Variants in PXDNL observed in about 807,000 individuals in gnomAD.
The protein encoded by PXDNL is peroxidasin like, also known as probable oxidoreductase PXDNL.
Under a neutral mutation model 150.8 loss-of-function variants are expected in PXDNL, and 145 were observed. The observed-to-expected ratio is 0.96, with a 90% confidence interval of 0.84 to 1.10. PXDNL has a LOEUF of 1.10. PXDNL is among the 50% of genes least tolerant of loss of function. The pLI is 0.00. For synonymous variants in PXDNL, 757 were observed against 725.7 expected, an observed-to-expected ratio of 1.04 and a Z score of -0.69; for missense variants, 2,087 against 1,873.9, an observed-to-expected ratio of 1.11 and a Z score of -2.10.
intron 1 of PXDNL, among the ~76,000 whole-genome samples, chr8:51,725,345 C>T (rs1816802191): frequency 6.6e-6 from 1 of 152,138 alleles, no homozygotes; most frequent in Non-Finnish European, 1.5e-5. Flanking sequence ...GAAATAAGAG[C>T]ATTAGAAATA....
At chr8:51,504,622 T>C (rs922398639) in intron 4 of PXDNL, among the ~76,000 whole-genome samples, 2 of 152,248 alleles carry the variant, frequency 1.3e-5, no homozygotes, top group African/African-American at 4.8e-5. Flanking sequence ...TGAGTGATTA[T>C]GTAATCCATG....
chr8:51,680,254 C>T (rs1358214814), intron 1 of PXDNL, among the ~76,000 whole-genome samples: 1 of 152,132 alleles, frequency 6.6e-6, no homozygotes, highest in African/African-American at 2.4e-5. Context: ...ATGTGGGGTG[C>T]ATGTGGCTTG....
At chr8:51,616,634 G>A (rs768103399) in intron 2 of PXDNL, among the ~76,000 whole-genome samples, 1 of 152,096 alleles carries the variant, frequency 6.6e-6, no homozygotes, top group Admixed American at 6.6e-5. Flanking sequence ...ACCTACATGT[G>A]TATACTTTCA....
chr8:51,382,182 G>A (rs140884609), intron 17 of PXDNL, among the ~76,000 whole-genome samples: 1 of 152,162 alleles, frequency 6.6e-6, no homozygotes, highest in Non-Finnish European at 1.5e-5. Flanking sequence ...AAGACCGAGA[G>A]TGAGAATGCT....
chr8:51,699,071 A>G (rs1375017364), intron 1 of PXDNL, among the ~76,000 whole-genome samples: 1 of 152,002 alleles, frequency 6.6e-6, no homozygotes, highest in Non-Finnish European at 1.5e-5. Context: ...ATTCTTGAGG[A>G]CTCTAGGATC....
chr8:51,379,186 T>C (rs900889297), intron 17 of PXDNL, among the ~76,000 whole-genome samples: 2 of 152,210 alleles, frequency 1.3e-5, no homozygotes, highest in Non-Finnish European at 2.9e-5. Context: ...TAACTTGTTA[T>C]TTTCAAACTT....
chr8:51,537,095 T>C (rs1201115566), intron 4 of PXDNL, among the ~76,000 whole-genome samples: 1 of 152,186 alleles, frequency 6.6e-6, no homozygotes, highest in Non-Finnish European at 1.5e-5. Context: ...AAGACTCGGA[T>C]AGTATCTCTA....
At chr8:51,494,274 A>C (rs1327930996) in intron 5 of PXDNL, among the ~76,000 whole-genome samples, 2 of 152,186 alleles carry the variant, frequency 1.3e-5, no homozygotes, top group Admixed American at 1.3e-4. Context: ...AGAGCTCCTG[A>C]AGGAAGCACT....
At chr8:51,467,764 T>G (rs1810234439) in intron 8 of PXDNL, among the ~76,000 whole-genome samples, 1 of 152,088 alleles carries the variant, frequency 6.6e-6, no homozygotes, top group African/African-American at 2.4e-5. Flanking sequence ...TATGCAATCT[T>G]TTTCTATTTC....
chr8:51,359,883 G>A (rs1806658549), intron 19 of PXDNL, among the ~76,000 whole-genome samples: 1 of 151,936 alleles, frequency 6.6e-6, no homozygotes, highest in African/African-American at 2.4e-5. Context: ...GGCAAAGAAT[G>A]GGAAAGACCA....
At chr8:51,790,973 T>A (rs2037507454) in intron 1 of PXDNL, among the ~76,000 whole-genome samples, 3 of 151,608 alleles carry the variant, frequency 2.0e-5, no homozygotes, top group Admixed American at 2.0e-4. Flanking sequence ...CACCTCTGGG[T>A]TTTAATGGAT....
chr8:51,807,178 A>G (rs2037685595), intron 1 of PXDNL, among the ~76,000 whole-genome samples: 1 of 152,192 alleles, frequency 6.6e-6, no homozygotes, highest in Admixed American at 6.5e-5. Flanking sequence ...TAATTGGTTC[A>G]TGGTTCTGCA....
At chr8:51,436,773 CA>C (rs1478367492) in intron 12 of PXDNL, among the ~76,000 whole-genome samples, 2 of 152,054 alleles carry the variant, frequency 1.3e-5, no homozygotes, top group African/African-American at 4.8e-5. Context: ...CACAAACAGA[CA>C]ATCTAAGGTC....
chr8:51,354,585 A>G (rs1806447656), intron 19 of PXDNL, among the ~76,000 whole-genome samples: 1 of 152,140 alleles, frequency 6.6e-6, no homozygotes, highest in African/African-American at 2.4e-5. Flanking sequence ...TAAAAGGCAC[A>G]TATCTAACGG....
At chr8:51,666,188 T>C (rs909333059) in intron 1 of PXDNL, among the ~76,000 whole-genome samples, 50 of 152,220 alleles carry the variant, frequency 3.3e-4, no homozygotes, top group African/African-American at 1.2e-3. Flanking sequence ...ACTTGATCTT[T>C]CGGTGGCATT....
intron 12 of PXDNL, among the ~76,000 whole-genome samples, chr8:51,445,909 C>A (rs1809660867): frequency 6.6e-6 from 1 of 151,954 alleles, no homozygotes; most frequent in Admixed American, 6.6e-5. Flanking sequence ...ATTTTCAAAT[C>A]TTCCCACTCG....
chr8:51,653,271 A>G (rs889787245), intron 2 of PXDNL, among the ~76,000 whole-genome samples: 3 of 152,152 alleles, frequency 2.0e-5, no homozygotes, highest in African/African-American at 7.2e-5. Flanking sequence ...TACAAAAATT[A>G]GCCGGGCATG....
chr8:51,562,195 G>A (rs1812733307), intron 3 of PXDNL, among the ~76,000 whole-genome samples: 1 of 151,156 alleles, frequency 6.6e-6, no homozygotes. Flanking sequence ...TCTTCACCCT[G>A]GATAATAACA....
intron 2 of PXDNL, among the ~76,000 whole-genome samples, chr8:51,636,431 G>C (rs951501629): frequency 2.0e-5 from 3 of 152,134 alleles, no homozygotes; most frequent in African/African-American, 4.8e-5. Flanking sequence ...ATGGCATAAT[G>C]TGTATCTAGA....
Sources: allele counts gnomAD v4.1 joint callset (sites outside exome capture counted in the v4.1 genomes callset), GRCh38; gene constraint gnomAD v4.1.1; transcripts MANE v1.5; gene names NCBI Gene and HGNC (gene_info 2026-07-23, HGNC 2026-07-21).